Variants in GCSAML observed in about 807,000 individuals in gnomAD.
GCSAML encodes germinal center associated signaling and motility like.
A neutral mutation model predicts 13.0 loss-of-function variants in GCSAML; 9 were observed. The ratio of observed to expected loss-of-function variants is 0.69; its 90% CI spans 0.42 to 1.21. The LOEUF is 1.21. Ranked by LOEUF, GCSAML falls within the 50% of genes most tolerant of loss-of-function variation. GCSAML has a pLI of 0.00. For synonymous variants in GCSAML, 37 were observed against 52.9 expected, an observed-to-expected ratio of 0.70 and a Z score of 1.31; for missense variants, 143 against 153.4, an observed-to-expected ratio of 0.93 and a Z score of 0.36.
chr1:247,512,626 T>C (rs2103298165), intron 1 of GCSAML, among the ~76,000 whole-genome samples: 1 of 152,232 alleles, frequency 6.6e-6, no homozygotes, highest in South Asian at 2.1e-4. Context: ...TTTGCACTGG[T>C]TTTTCCTCAT....
chr1:247,532,276 A>G, intron 2 of GCSAML: 1 of 1,614,202 alleles, frequency 6.2e-7, no homozygotes, highest in Non-Finnish European at 8.5e-7. Context: ...GAGCTGTGGG[A>G]CAATGCTCGT....
intron 1 of GCSAML, chr1:247,518,432 T>A (rs1251891278): frequency 6.6e-6 from 1 of 152,362 alleles, no homozygotes; most frequent in Admixed American, 6.5e-5. Context: ...GCGCCCGGCC[T>A]TCCCGCGCGG....
In GCSAML at chr1:247,568,029, T is replaced by C. The variant is rs979646654; in HGVS notation, c.168+2070T>C. 3.9e-5 allele frequency among the ~76,000 whole-genome samples: 6 copies of C among 152,054 alleles called. No individual in the cohort carries two copies. In the South Asian group the frequency reaches 1.2e-3, roughly 31 times the overall value. ...CACCCACTTTTTGATGGGGTTGTTT[T>C]TTTCTTGTAAATTTGTTTAAGTTCT... On this transcript the variant is annotated intron_variant, in intron 4 of 4. Transcript: ENST00000366488.
intron 1 of GCSAML, among the ~76,000 whole-genome samples, 192 bp from the exon 2 acceptor site, chr1:247,556,215 A>G (rs1667939635): frequency 6.6e-6 from 1 of 152,210 alleles, no homozygotes; most frequent in East Asian, 1.9e-4. Flanking sequence ...CTGTCCCATC[A>G]GAGTCCTGGT....
intron 1 of GCSAML, among the ~76,000 whole-genome samples, chr1:247,512,293 TC>T (rs1666068667): frequency 6.6e-6 from 1 of 151,874 alleles, no homozygotes; most frequent in African/African-American, 2.4e-5. Context: ...TTCTGCTTGA[TC>T]AATTCGGCTA....
At position 247,556,257 on chromosome 1, in the gene GCSAML, C is replaced by T. The variant is rs139229968; in HGVS notation, c.30-150C>T. 1.0e-3 allele frequency: 646 copies of T among 618,342 alleles called. 3 individuals carry two copies. The East Asian group carries it at 0.015, about 14-fold the overall frequency. 38.3% of individuals were successfully genotyped at this position (618,342 alleles called of 1,614,324 possible). A position where few individuals can be genotyped will look rare whatever the true frequency, so the allele number is the denominator to read the frequency against. On this transcript the variant is annotated intron_variant, in intron 1 of 4. Coordinates refer to ENST00000366488, the MANE Select transcript of GCSAML (RefSeq NM_145278.5). Reference sequence around the variant, plus strand: ...GGTTAATTTCTGAAATGCATTCTATCTGTGACTGCTTATTGATTTTGAAGG... The same window carrying T: ...GGTTAATTTCTGAAATGCATTCTATTTGTGACTGCTTATTGATTTTGAAGG...
At chr1:247,540,259 C>A (rs1667367080) in intron 2 of GCSAML, among the ~76,000 whole-genome samples, 2 of 152,170 alleles carry the variant, frequency 1.3e-5, no homozygotes, top group Admixed American at 1.3e-4. Context: ...TCTCGAACTC[C>A]TGACTTCATC....
In GCSAML at chr1:247,576,434, A is replaced by G. The variant is rs1046442101; in HGVS notation, c.*2052A>G. On this transcript the variant is annotated 3_prime_UTR_variant, in exon 5 of 5. Transcript: ENST00000366488. ...GTGGTGCACACCTGTAGTCCCAGGTACTCAGGAGGCTGAGGTAGTAGGATT... is the reference window on the plus strand; with the variant it reads ...GTGGTGCACACCTGTAGTCCCAGGTGCTCAGGAGGCTGAGGTAGTAGGATT... 1 of 152,044 alleles carries G rather than the reference A, an allele frequency of 6.6e-6. No individual in the cohort carries two copies. The highest frequency in any genetic ancestry group is 1.5e-5 in the Non-Finnish European group (1 of 68,048). The allele number at this position is 152,044 out of a possible 1,614,324, so 9.4% of individuals were successfully genotyped here.
chr1:247,547,821 A>C (rs1017592184), upstream of GCSAML, among the ~76,000 whole-genome samples: 8 of 152,202 alleles, frequency 5.3e-5, no homozygotes, highest in African/African-American at 1.9e-4. Context: ...CAGAATCTGC[A>C]TTTTAACAGG....
At chr1:247,516,809 A>G (rs1666227973) in intron 1 of GCSAML, among the ~76,000 whole-genome samples, 1 of 152,196 alleles carries the variant, frequency 6.6e-6, no homozygotes, top group Admixed American at 6.5e-5. Flanking sequence ...AGAAAATTAT[A>G]TTCGTACAGC....
At chr1:247,550,736 C>G (rs544793513) in intron 1 of GCSAML, among the ~76,000 whole-genome samples, 3 of 152,074 alleles carry the variant, frequency 2.0e-5, no homozygotes, top group Non-Finnish European at 4.4e-5. Context: ...AGATGGAGGA[C>G]AAATGACACA....
chr1:247,547,930 G>A (rs1667634290), upstream of GCSAML, among the ~76,000 whole-genome samples: 1 of 152,066 alleles, frequency 6.6e-6, no homozygotes, highest in Admixed American at 6.5e-5. Flanking sequence ...TCTGAAATGG[G>A]GTGTGTGACA....
rs1666739249 is a variant in GCSAML, at chr1:247,527,700, T to A, written c.-148+646T>A. On this transcript the variant is annotated intron_variant, in intron 2 of 5. Transcript: ENST00000366489. This position sits in a 1 kb window ranked among gnomAD's most constrained non-coding sequence, Gnocchi z 4.6. ...ATGTATAGTGATCAGATAAGTGTGA[T>A]TAGAATATCCATCATCTCAAACATT... 1 of 152,238 alleles carries A rather than the reference T, an allele frequency of 6.6e-6. No homozygotes were observed. Among genetic ancestry groups the A allele is most frequent in the Non-Finnish European group, 1.5e-5 (1 of 68,046 alleles). 9.4% of individuals were successfully genotyped at this position (152,238 alleles called of 1,614,324 possible). A position where few individuals can be genotyped will look rare whatever the true frequency, so the allele number is the denominator to read the frequency against.
chr1:247,521,073 G>A (rs1452431078), intron 1 of GCSAML, among the ~76,000 whole-genome samples: 1 of 149,552 alleles, frequency 6.7e-6, no homozygotes, highest in Non-Finnish European at 1.5e-5. Context: ...ATTTTATTCT[G>A]TGGTGAAATA....
At chr1:247,563,006 A>ACT (rs1553307239) in intron 2 of GCSAML, among the ~76,000 whole-genome samples, 1 of 134,648 alleles carries the variant, frequency 7.4e-6, no homozygotes, top group Non-Finnish European at 1.6e-5. Context: ...TACCCAGCTC[A>ACT]TTTTTTTTTT....
intron 2 of GCSAML, among the ~76,000 whole-genome samples, chr1:247,561,711 CTTTT>C (rs1668134019): frequency 6.6e-6 from 1 of 152,048 alleles, no homozygotes; most frequent in African/African-American, 2.4e-5. Context: ...GTTTCTGCTT[CTTTT>C]GTTTTGCTTT....
At chr1:247,532,562 T>A (rs1667029672) in intron 2 of GCSAML, 1 of 1,564,806 alleles carries the variant, frequency 6.4e-7, no homozygotes, top group Non-Finnish European at 8.7e-7. Context: ...GCACAGGGCA[T>A]ACAGGGCATG....
chr1:247,552,655 T>A (rs1667814372), intron 1 of GCSAML, among the ~76,000 whole-genome samples: 1 of 152,220 alleles, frequency 6.6e-6, no homozygotes, highest in Non-Finnish European at 1.5e-5. Context: ...AAATTCTGAA[T>A]TTGTGTATTA....
intron 1 of GCSAML, among the ~76,000 whole-genome samples, chr1:247,553,455 G>A (rs1211233196): frequency 6.6e-6 from 1 of 151,762 alleles, no homozygotes; most frequent in Non-Finnish European, 1.5e-5. Context: ...GAATTCTTAG[G>A]CATCATTTTC....
Sources: gnomAD v4.1 joint callset for allele counts (sites outside exome capture counted in the v4.1 genomes callset) on GRCh38, gnomAD v4.1.1 for gene constraint, Gnocchi (gnomAD v3.1) non-coding constraint, MANE v1.5 for transcripts, NCBI Gene and HGNC (gene_info 2026-07-23, HGNC 2026-07-21) for gene names.